Variants in PLXNA2 observed in about 807,000 individuals in gnomAD.
The protein encoded by PLXNA2 is plexin-A2.
Under a neutral mutation model 193.5 loss-of-function variants are expected in PLXNA2, and 91 were observed. That is an observed-to-expected ratio of 0.47 (90% CI 0.40 to 0.56). PLXNA2 has a LOEUF of 0.56. PLXNA2 is among the 20% of genes least tolerant of loss of function. PLXNA2 has a pLI of 0.00. For synonymous variants in PLXNA2, 997 were observed against 1,027.3 expected (o/e 0.97, Z 0.56); for missense variants, 1,995 against 2,503.2 (o/e 0.80, Z 4.33).
At chr1:208,204,807 A>G (rs528485873) in intron 3 of PLXNA2, among the ~76,000 whole-genome samples, 1 of 152,302 alleles carries the variant, frequency 6.6e-6, no homozygotes, top group East Asian at 1.9e-4. Context: ...CCCTTGCCAG[A>G]TGCTGTGGGG....
intron 12 of PLXNA2, among the ~76,000 whole-genome samples, chr1:208,076,997 A>T (rs1441990012): frequency 6.6e-6 from 1 of 152,218 alleles, no homozygotes; most frequent in Non-Finnish European, 1.5e-5. Context: ...AGAAAGAGAC[A>T]ATGACTTTCA....
chr1:208,049,498 A>C (rs1665185682), intron 17 of PLXNA2, among the ~76,000 whole-genome samples: 1 of 152,032 alleles, frequency 6.6e-6, no homozygotes, highest in Non-Finnish European at 1.5e-5. Context: ...GCGCTCACCT[A>C]GCCCAAAAAG....
chr1:208,082,412 C>A lies in PLXNA2; in HGVS notation c.2395G>T (p.Val799Phe). The A allele has an allele frequency of 1.2e-6, 2 of 1,613,498 alleles. No individual in the cohort carries two copies. ...CTTCTACCCGGAAGTAGCCGCTTAC[C>A]TTTCAGGTCCTGAGGGTTGTCAATG... ...FIIDNPQDLKVHLYKCAAQRE... is the reference protein window; with the variant it reads ...FIIDNPQDLKFHLYKCAAQRE... The change falls in exon 11 of 32, where the codon GTC (valine) becomes TTC (phenylalanine). Residue 799 changes from valine (V) to phenylalanine (F), a missense_variant and splice_region_variant. Val to Phe is a conservative substitution (Grantham distance 50). Coordinates refer to ENST00000367033, the MANE Select transcript of PLXNA2 (RefSeq NM_025179.4). The surrounding 1 kb of genome is among the most constrained non-coding windows in gnomAD (Gnocchi z 4.2).
intron 4 of PLXNA2, among the ~76,000 whole-genome samples, chr1:208,120,343 T>C (rs980931949): frequency 6.6e-6 from 1 of 152,132 alleles, no homozygotes; most frequent in African/African-American, 2.4e-5. Context: ...TAAGTGGTGA[T>C]TAGAGTGGGG....
At chr1:208,100,381 A>G (rs2102414299) in intron 5 of PLXNA2, among the ~76,000 whole-genome samples, 1 of 152,070 alleles carries the variant, frequency 6.6e-6, no homozygotes, top group African/African-American at 2.4e-5. Flanking sequence ...GAGGAGGAGG[A>G]TGATAATACG....
intron 18 of PLXNA2, 101 bp downstream of exon 18, chr1:208,045,777 T>C (rs1049016605): frequency 2.8e-6 from 4 of 1,430,014 alleles, no homozygotes; most frequent in African/African-American, 2.8e-5. Flanking sequence ...TTCAATTGCA[T>C]AGAAAGGAGA....
At chr1:208,188,740 G>A (rs992132073) in intron 3 of PLXNA2, among the ~76,000 whole-genome samples, 2 of 151,684 alleles carry the variant, frequency 1.3e-5, no homozygotes, top group African/African-American at 4.8e-5. Flanking sequence ...AAAAAATGGA[G>A]CTATGAATCC....
At chr1:208,059,116 G>A (rs899377155) in intron 13 of PLXNA2, among the ~76,000 whole-genome samples, 8 of 152,186 alleles carry the variant, frequency 5.3e-5, no homozygotes, top group African/African-American at 1.7e-4. Flanking sequence ...TGAGGTTGAG[G>A]TGGATTTGGG....
At chr1:208,159,498 T>A (rs1479960135) in intron 3 of PLXNA2, among the ~76,000 whole-genome samples, 1 of 152,162 alleles carries the variant, frequency 6.6e-6, no homozygotes, top group East Asian at 1.9e-4. Flanking sequence ...GTCCTCCAGC[T>A]CGTGCTCTTT....
At chr1:208,185,303 G>T (rs1374141837) in intron 3 of PLXNA2, among the ~76,000 whole-genome samples, 1 of 152,150 alleles carries the variant, frequency 6.6e-6, no homozygotes, top group African/African-American at 2.4e-5. Flanking sequence ...TTTCCCAAGG[G>T]CCAGAAAGTG....
chr1:208,106,148 G>A (rs1421918605), intron 4 of PLXNA2, among the ~76,000 whole-genome samples: 1 of 151,834 alleles, frequency 6.6e-6, no homozygotes, highest in Non-Finnish European at 1.5e-5. Context: ...TGGAGGGGGG[G>A]TGGTCTAAAA....
intron 1 of PLXNA2, among the ~76,000 whole-genome samples, chr1:208,243,181 C>T (rs1672118227): frequency 6.6e-6 from 1 of 152,102 alleles, no homozygotes; most frequent in African/African-American, 2.4e-5. Flanking sequence ...CCAGGGACCC[C>T]GGCACTGGAG....
intron 1 of PLXNA2, among the ~76,000 whole-genome samples, chr1:208,221,339 A>G (rs187272857): frequency 6.7e-6 from 1 of 148,896 alleles, no homozygotes; most frequent in Admixed American, 6.7e-5. Flanking sequence ...TTTTGCTCCA[A>G]CCTGGAGAGG....
At chr1:208,186,166 G>A (rs926288966) in intron 3 of PLXNA2, among the ~76,000 whole-genome samples, 9 of 152,156 alleles carry the variant, frequency 5.9e-5, no homozygotes, top group Non-Finnish European at 1.0e-4. Context: ...TGGCTCCTCC[G>A]TCTTTTTTAA....
intron 6 of PLXNA2, among the ~76,000 whole-genome samples, chr1:208,098,460 A>T (rs201252273): frequency 0.01 from 1,018 of 100,882 alleles, 7 homozygotes; most frequent in African/African-American, 0.034. Context: ...TCTCTCTCTC[A>T]CACACACACA....
At chr1:208,212,958 G>A (rs1671012222) in intron 2 of PLXNA2, among the ~76,000 whole-genome samples, 1 of 152,202 alleles carries the variant, frequency 6.6e-6, no homozygotes, top group South Asian at 2.1e-4. Context: ...TATTGGAACA[G>A]GTAATTGTCA....
intron 3 of PLXNA2, among the ~76,000 whole-genome samples, chr1:208,166,029 G>C (rs1209328683): frequency 2.0e-5 from 3 of 152,078 alleles, no homozygotes; most frequent in Non-Finnish European, 4.4e-5. Context: ...ATCTCTAATT[G>C]TCCAAGGAGA....
intron 3 of PLXNA2, among the ~76,000 whole-genome samples, chr1:208,198,195 C>G (rs563468128): frequency 6.6e-5 from 10 of 152,218 alleles, no homozygotes; most frequent in Non-Finnish European, 1.0e-4. Flanking sequence ...CCCATCCCCC[C>G]AGCAGTGGTC....
intron 4 of PLXNA2, among the ~76,000 whole-genome samples, chr1:208,124,679 C>CAAAAAA (rs34909092): frequency 8.7e-5 from 6 of 68,590 alleles, no homozygotes; most frequent in Admixed American, 1.7e-4. Context: ...AACTCCGTCT[C>CAAAAAA]AAAAAAAAAA....
Sources: gnomAD v4.1 joint callset for allele counts (sites outside exome capture counted in the v4.1 genomes callset) on GRCh38, gnomAD v4.1.1 for gene constraint, Gnocchi (gnomAD v3.1) non-coding constraint, MANE v1.5 for transcripts, NCBI Gene and HGNC (gene_info 2026-07-23, HGNC 2026-07-21) for gene names.